The following MPC2 variants were observed in gnomAD, a reference collection of about 807,000 sequenced individuals.
MPC2 encodes the protein brain protein 44.
MPC2 carries 19 observed loss-of-function variants against 19.2 expected under a neutral mutation model. The observed-to-expected ratio is 0.99, with a 90% CI of 0.69 to 1.45. MPC2 has a LOEUF of 1.45. MPC2 is among the 40% of genes most tolerant of loss of function. The pLI is 0.00. For missense variants in MPC2, 122 were observed against 153.0 expected, an observed-to-expected ratio of 0.80 and a Z score of 1.07; for synonymous variants, 61 against 54.3, an observed-to-expected ratio of 1.12 and a Z score of -0.54.
In MPC2 at chr1:167,918,470, A is replaced by G; in HGVS notation, c.348-111T>C. The G allele has an allele frequency of 4.5e-6, 3 of 672,196 alleles. No homozygotes were observed. In the South Asian group the frequency reaches 6.1e-5, roughly 14 times the overall value. The allele number at this position is 672,196 out of a possible 1,614,324, so 41.6% of individuals were successfully genotyped here. On this transcript the variant is annotated intron_variant, in intron 5 of 5. Coordinates refer to ENST00000271373, the MANE Select transcript of MPC2 (RefSeq NM_001143674.4). ...CTTCTTTCTTGGTGGTCAAGTAGCTATACAGTTGTAAACAGAATCTTCCCG... is the reference window on the plus strand; with the variant it reads ...CTTCTTTCTTGGTGGTCAAGTAGCTGTACAGTTGTAAACAGAATCTTCCCG...
chr1:167,934,124 T>C (rs1333644775), intron 2 of MPC2, among the ~76,000 whole-genome samples: 2 of 152,150 alleles, frequency 1.3e-5, no homozygotes, highest in Non-Finnish European at 2.9e-5. Context: ...TCAGGTGAAA[T>C]GCACATCCTG....
At chr1:167,930,992 C>T (rs1670891602) in intron 2 of MPC2, among the ~76,000 whole-genome samples, 1 of 152,212 alleles carries the variant, frequency 6.6e-6, no homozygotes, top group Non-Finnish European at 1.5e-5. Context: ...AGTGCAGTGG[C>T]ACGATCTTGG....
At chr1:167,923,503 T>G (rs748529823) in intron 3 of MPC2, among the ~76,000 whole-genome samples, 2 of 152,066 alleles carry the variant, frequency 1.3e-5, no homozygotes, top group African/African-American at 2.4e-5. Context: ...GTGAAATTCA[T>G]AGAGACAGAA....
intron 2 of MPC2, among the ~76,000 whole-genome samples, chr1:167,928,628 T>G (rs1670821151): frequency 6.6e-6 from 1 of 152,208 alleles, no homozygotes; most frequent in African/African-American, 2.4e-5. Context: ...ATCACTCAAA[T>G]AGTGACAATA....
intron 2 of MPC2, among the ~76,000 whole-genome samples, chr1:167,928,782 A>T (rs203786): frequency 0.99 from 150,166 of 152,324 alleles, 74,022 homozygotes; most frequent in East Asian, 1. Flanking sequence ...AATAAGCAGA[A>T]GTATAAACTA....
intron 3 of MPC2, among the ~76,000 whole-genome samples, chr1:167,921,930 T>G (rs1275208964): frequency 2.0e-5 from 3 of 152,214 alleles, no homozygotes; most frequent in Non-Finnish European, 2.9e-5. Context: ...GATTATCCAC[T>G]TTGACCTTTA....
At chr1:167,926,372 A>T (rs977162645) in intron 2 of MPC2, among the ~76,000 whole-genome samples, 1 of 152,142 alleles carries the variant, frequency 6.6e-6, no homozygotes, top group Non-Finnish European at 1.5e-5. Flanking sequence ...CACACATAGA[A>T]CTCTAGCCAC....
At chr1:167,936,287 C>A (rs576350477) in intron 1 of MPC2, 1 of 202,550 alleles carries the variant, frequency 4.9e-6, no homozygotes, top group South Asian at 7.5e-5. Flanking sequence ...AGTGAAGCTG[C>A]GCTGGTTCTA....
chr1:167,925,536 TTTTTTTTTGG>T (rs960279219), intron 2 of MPC2, among the ~76,000 whole-genome samples: 11 of 143,510 alleles, frequency 7.7e-5, no homozygotes, highest in Non-Finnish European at 1.5e-4. Context: ...TTTTTTTGGT[TTTTTTTTTGG>T]TTTTTTTTGT....
chr1:167,932,240 G>A (rs180816013), intron 2 of MPC2, among the ~76,000 whole-genome samples: 66 of 152,016 alleles, frequency 4.3e-4, no homozygotes, highest in African/African-American at 1.5e-3. Flanking sequence ...AACAATTTGA[G>A]TATACATCCT....
intron 5 of MPC2, among the ~76,000 whole-genome samples, chr1:167,918,712 GC>G (rs1467646594): frequency 6.6e-6 from 1 of 150,754 alleles, no homozygotes; most frequent in African/African-American, 2.4e-5. Context: ...TCCTGCCTCA[GC>G]CCCCCGAGTA....
chr1:167,935,064 A>T lies in MPC2; in HGVS notation c.109+669T>A, dbSNP rs367941513. ...CATAGACCGCGTATTACACAAACAG[A>T]GATCTAGGCTTTTGCTCAAGGTCAC... is the stretch of plus-strand genomic sequence containing the variant. On this transcript the variant is annotated intron_variant, in intron 2 of 5. Transcript: ENST00000271373. Among the ~76,000 whole-genome samples the T allele has an allele frequency of 7.7e-4, 117 of 152,316 alleles. 1 individual carries two copies. The South Asian group carries it at 0.022, about 29-fold the overall frequency.
chr1:167,928,632 G>A (rs1468994230), intron 2 of MPC2, among the ~76,000 whole-genome samples: 1 of 152,152 alleles, frequency 6.6e-6, no homozygotes, highest in Admixed American at 6.5e-5. Flanking sequence ...CTCAAATAGT[G>A]ACAATACAAT....
intron 2 of MPC2, among the ~76,000 whole-genome samples, chr1:167,925,440 CACATATATATATATAT>C (rs1408533040): frequency 1.2e-4 from 6 of 49,660 alleles, no homozygotes; most frequent in Non-Finnish European, 2.3e-4. Flanking sequence ...TATACATATA[CACATATATATATATAT>C]ATATATATAT....
intron 2 of MPC2, among the ~76,000 whole-genome samples, chr1:167,931,335 T>C (rs1466299661): frequency 1.3e-5 from 2 of 152,342 alleles, no homozygotes; most frequent in Admixed American, 1.3e-4. Context: ...GTGTCTAATA[T>C]ACAATAGGCC....
chr1:167,937,004 C>A lies in MPC2; in HGVS notation c.-123G>T. 2 of 1,608,406 alleles carry A rather than the reference C, an allele frequency of 1.2e-6. No individual in the cohort carries two copies. The highest frequency in any genetic ancestry group is 1.7e-6 in the Non-Finnish European group (2 of 1,178,112). ...ACCCGTCCCGGCTGCGGAGTCGCTA[C>A]CTGGGTGAGCGGGGGCCCCGGGGCG... On this transcript the variant is annotated 5_prime_UTR_variant, in exon 1 of 6. Transcript: ENST00000271373.
At chr1:167,936,681 T>G in intron 1 of MPC2, 3 of 475,826 alleles carry the variant, frequency 6.3e-6, no homozygotes, top group Non-Finnish European at 7.5e-6. Context: ...TTGCTGATCT[T>G]TGGATGTTCT....
At chr1:167,920,128 C>G in intron 4 of MPC2, 38 bp from the exon 5 acceptor site, 1 of 1,300,366 alleles carries the variant, frequency 7.7e-7, no homozygotes, top group East Asian at 2.3e-5. Flanking sequence ...AGAATACATA[C>G]TGCTTCAATA....
At chr1:167,921,903 T>C (rs1407719705) in intron 3 of MPC2, among the ~76,000 whole-genome samples, 1 of 152,146 alleles carries the variant, frequency 6.6e-6, no homozygotes, top group East Asian at 1.9e-4. Context: ...TTAAGGTACA[T>C]AGGTTTTTGT....
Sources: gnomAD v4.1 joint callset for allele counts (sites outside exome capture counted in the v4.1 genomes callset) on GRCh38, gnomAD v4.1.1 for gene constraint, MANE v1.5 for transcripts, NCBI Gene and HGNC (gene_info 2026-07-23, HGNC 2026-07-21) for gene names.